Variants in RHBDD1 observed in about 807,000 individuals in gnomAD.
RHBDD1 encodes rhomboid-related protein 4.
In RHBDD1, 38 loss-of-function variants were observed where a neutral mutation model predicts 36.3. The ratio of observed to expected loss-of-function variants is 1.05; its 90% CI spans 0.81 to 1.37. The LOEUF (loss-of-function observed/expected upper bound fraction) is 1.37, where lower values mean the gene tolerates loss of function less well. RHBDD1 is among the 40% of genes most tolerant of loss of function. The pLI is 0.00. For synonymous variants in RHBDD1, 151 were observed against 136.5 expected, an observed-to-expected ratio of 1.11 and a Z score of -0.74; for missense variants, 393 against 377.6, an observed-to-expected ratio of 1.04 and a Z score of -0.34.
In RHBDD1 at chr2:226,988,998, G is replaced by A. The variant is rs183207330; in HGVS notation, c.857-6433G>A. ...TTTAAACAGACCCTGTCTCCAAGTC[G>A]TAATTGAGGCAATAATACATTCTGG... On this transcript the variant is annotated intron_variant, in intron 8 of 8. Coordinates refer to ENST00000392062, the MANE Select transcript of RHBDD1 (RefSeq NM_001167608.3). 3.8e-3 allele frequency among the ~76,000 whole-genome samples: 583 copies of A among 152,342 alleles called. 4 individuals carry two copies. Among genetic ancestry groups the A allele is most frequent in the Non-Finnish European group, 6.1e-3 (416 of 68,032 alleles).
intron 8 of RHBDD1, among the ~76,000 whole-genome samples, chr2:226,931,623 C>G (rs1290052682): frequency 6.6e-6 from 1 of 152,044 alleles, no homozygotes. Context: ...CTAAAAATTA[C>G]TTGTACCCCT....
Position 226,959,978 on chromosome 2 carries a change from A to G in RHBDD1, c.857-35453A>G, listed in dbSNP as rs577021698. Reference sequence around the variant, plus strand: ...GCTGGGACTACAGGCACCTGCCACCATGCCCGGCTAATTTTTGTACTTTTA... The same window carrying G: ...GCTGGGACTACAGGCACCTGCCACCGTGCCCGGCTAATTTTTGTACTTTTA... On this transcript the variant is annotated intron_variant, in intron 8 of 8. Coordinates refer to ENST00000392062, the MANE Select transcript of RHBDD1 (RefSeq NM_001167608.3). 3.4e-4 allele frequency among the ~76,000 whole-genome samples: 51 copies of G among 152,158 alleles called. 1 individual carries two copies. Among genetic ancestry groups the G allele is most frequent in the African/African-American group, 1.0e-3 (43 of 41,518 alleles).
In RHBDD1 at chr2:226,914,290, A is replaced by G; in HGVS notation, c.795A>G (p.Thr265=). The G allele has an allele frequency of 6.2e-7, 1 of 1,613,814 alleles. No homozygotes were observed. Among genetic ancestry groups the G allele is most frequent in the Non-Finnish European group, 8.5e-7 (1 of 1,179,816 alleles). The change falls in exon 8 of 9, where the codon ACA becomes ACG. Residue 265 remains threonine, a synonymous_variant. Coordinates refer to ENST00000392062, the MANE Select transcript of RHBDD1 (RefSeq NM_001167608.3). ...EEAPRNYDTY[T]AGLSEEEQLE... ...CACCCAGGAACTATGACACGTACAC[A>G]GCAGGACTGAGTGAAGAAGAACAGC...
In RHBDD1 at chr2:226,976,454, G is replaced by A. The variant is rs1319863895; in HGVS notation, c.857-18977G>A. The stretch of plus-strand genomic sequence containing the variant: ...TTTGTTGTAAATTATCAAAATGTGT[G>A]AGCTTTACCCACGCCTCCTTACCTG... On this transcript the variant is annotated intron_variant, in intron 8 of 8. Transcript: ENST00000392062. 1.3e-5 allele frequency among the ~76,000 whole-genome samples: 2 copies of A among 151,898 alleles called. 1 individual carries two copies. Among genetic ancestry groups the A allele is most frequent in the African/African-American group, 4.8e-5 (2 of 41,324 alleles).
intron 8 of RHBDD1, among the ~76,000 whole-genome samples, chr2:226,979,059 G>A (rs981164146): frequency 4.6e-5 from 7 of 152,174 alleles, no homozygotes; most frequent in African/African-American, 1.4e-4. Flanking sequence ...TAGGCCATCT[G>A]CGGGCTGGGG....
chr2:226,822,633 C>CAA, the RHBDD1 span, among the ~76,000 whole-genome samples: 1,965 of 71,518 alleles, frequency 0.027, 60 homozygotes, highest in African/African-American at 0.071. Context: ...TATTTTGTCT[C>CAA]AAAAAAAAAA....
chr2:226,909,346 G>A (rs1948347133), intron 7 of RHBDD1, among the ~76,000 whole-genome samples: 1 of 152,158 alleles, frequency 6.6e-6, no homozygotes. Context: ...ATTTTTCTAA[G>A]TATCTGTGTA....
intron 3 of RHBDD1, among the ~76,000 whole-genome samples, chr2:226,861,990 G>A (rs866835617): frequency 1.3e-5 from 2 of 152,202 alleles, no homozygotes; most frequent in Non-Finnish European, 2.9e-5. Flanking sequence ...GTGCATGCAC[G>A]TGTATGTATA....
chr2:226,903,790 C>T (rs548775870), intron 5 of RHBDD1, among the ~76,000 whole-genome samples: 27 of 152,278 alleles, frequency 1.8e-4, no homozygotes, highest in Admixed American at 1.6e-3. Flanking sequence ...CCACACCCCC[C>T]TCTCCTGTAT....
In RHBDD1 at chr2:226,914,261, G is replaced by T; in HGVS notation, c.766G>T (p.Glu256Ter). The change falls in exon 8 of 9, where the codon GAA (glutamate) becomes TAA (stop). Residue 256 changes from glutamate (E) to a stop codon, truncating the protein, a stop_gained. Transcript: ENST00000392062. LOFTEE classifies it high-confidence loss of function. ...GCATGGCAGGCCAGATCACTATGAA[G>T]AAGCACCCAGGAACTATGACACGTA... ...YPHGRPDHYE[E>*]APRNYDTYTA... 1 of 1,613,820 alleles carries T rather than the reference G, an allele frequency of 6.2e-7. No homozygotes were observed.
the RHBDD1 span, among the ~76,000 whole-genome samples, chr2:226,826,562 C>T: frequency 4.0e-5 from 6 of 148,226 alleles, no homozygotes; most frequent in Non-Finnish European, 7.4e-5. Context: ...GCTCTGTTGC[C>T]CAGGCTGGAG....
chr2:226,822,766 G>A, the RHBDD1 span, among the ~76,000 whole-genome samples: 1 of 151,968 alleles, frequency 6.6e-6, no homozygotes, highest in Non-Finnish European at 1.5e-5. Flanking sequence ...TCTAAGAGAT[G>A]AGGCCTTAGG....
chr2:226,890,426 G>A (rs1946589101), intron 5 of RHBDD1, among the ~76,000 whole-genome samples: 1 of 152,190 alleles, frequency 6.6e-6, no homozygotes, highest in African/African-American at 2.4e-5. Context: ...ATTCAGTGAT[G>A]AACATCTGCA....
chr2:226,885,753 G>A (rs1005403237), intron 5 of RHBDD1, among the ~76,000 whole-genome samples: 3 of 152,142 alleles, frequency 2.0e-5, no homozygotes, highest in African/African-American at 7.2e-5. Flanking sequence ...GAAAAATTTA[G>A]TTCTTAAAAC....
intron 6 of RHBDD1, chr2:226,908,441 C>A (rs4675118): frequency 0.42 from 81,837 of 193,700 alleles, 17,589 homozygotes; most frequent in South Asian, 0.5. Flanking sequence ...GGATGGCTCT[C>A]CTAACACCTT....
chr2:226,840,661 A>C (rs1013734863), intron 3 of RHBDD1, among the ~76,000 whole-genome samples: 1 of 152,168 alleles, frequency 6.6e-6, no homozygotes, highest in African/African-American at 2.4e-5. Context: ...TTGACCCCAG[A>C]TCTTCTGGCA....
At chr2:226,821,473 G>T in the RHBDD1 span, among the ~76,000 whole-genome samples, 1 of 151,530 alleles carries the variant, frequency 6.6e-6, no homozygotes, top group African/African-American at 2.4e-5. Flanking sequence ...TGACTTACTG[G>T]CTCTCAATAG....
intron 8 of RHBDD1, among the ~76,000 whole-genome samples, chr2:226,924,400 G>A (rs903026093): frequency 6.6e-6 from 1 of 152,140 alleles, no homozygotes; most frequent in East Asian, 1.9e-4. Context: ...AAACAAATTT[G>A]TCTTTACTCT....
At chr2:226,921,635 C>T in intron 8 of RHBDD1, among the ~76,000 whole-genome samples, 1 of 152,232 alleles carries the variant, frequency 6.6e-6, no homozygotes, top group Non-Finnish European at 1.5e-5. Context: ...ATGTATTTGT[C>T]TAGTTTCCAA....
Sources: gnomAD v4.1 joint callset for allele counts (sites outside exome capture counted in the v4.1 genomes callset) on GRCh38, gnomAD v4.1.1 for gene constraint, MANE v1.5 for transcripts, NCBI Gene and HGNC (gene_info 2026-07-23, HGNC 2026-07-21) for gene names.